The following SCEL variants were observed in gnomAD, a reference collection of about 807,000 sequenced individuals.
SCEL encodes the protein sciellin.
Under a neutral mutation model 117.6 loss-of-function variants are expected in SCEL, and 113 were observed. The observed-to-expected ratio is 0.96, with a 90% CI of 0.83 to 1.12. The LOEUF is 1.12. Among genes scored for constraint, SCEL ranks in the 50% most tolerant of loss-of-function variants. SCEL has a pLI of 0.00. For missense variants in SCEL, 785 were observed against 810.8 expected (o/e 0.97, Z 0.39); for synonymous variants, 270 against 256.2 (o/e 1.05, Z -0.51).
At chr13:77,620,678 G>A (rs2089360758) in intron 27 of SCEL, among the ~76,000 whole-genome samples, 1 of 152,088 alleles carries the variant, frequency 6.6e-6, no homozygotes, top group Non-Finnish European at 1.5e-5. Context: ...GTTATTGGTA[G>A]CCTATAAACT....
At chr13:77,561,397 A>T (rs754536811) in intron 4 of SCEL, among the ~76,000 whole-genome samples, 1 of 152,230 alleles carries the variant, frequency 6.6e-6, no homozygotes, top group Non-Finnish European at 1.5e-5. Flanking sequence ...GTATAATATC[A>T]GTCTTTTAAG....
intron 1 of SCEL, among the ~76,000 whole-genome samples, chr13:77,543,375 G>A (rs150861503): frequency 0.14 from 21,449 of 152,072 alleles, 1,841 homozygotes; most frequent in East Asian, 0.38. Context: ...GAGCCACCGC[G>A]CCCGGCCAAC....
chr13:77,617,880 C>G lies in SCEL; in HGVS notation c.1571+18C>G, dbSNP rs1262343870. ...AATCAGAGGTATATATAGAAGCAGT[C>G]AATTCATGTTTTTATTTGTCTGTTG... On this transcript the variant is annotated intron_variant, in intron 26 of 32. Transcript: ENST00000349847. 2.5e-6 allele frequency: 4 copies of G among 1,597,246 alleles called. No individual in the cohort carries two copies. The highest frequency in any genetic ancestry group is 3.4e-6 in the Non-Finnish European group (4 of 1,165,724).
intron 4 of SCEL, among the ~76,000 whole-genome samples, chr13:77,560,210 C>A (rs1300371510): frequency 6.7e-6 from 1 of 149,700 alleles, no homozygotes; most frequent in East Asian, 2.0e-4. Context: ...TTGGGAGGAT[C>A]TCTTGAGCCT....
intron 1 of SCEL, among the ~76,000 whole-genome samples, chr13:77,551,131 C>T (rs2084296081): frequency 6.6e-6 from 1 of 152,218 alleles, no homozygotes; most frequent in African/African-American, 2.4e-5. Flanking sequence ...GATGCAGCCT[C>T]TTAACACCTT....
chr13:77,543,553 C>G (rs1339393754), intron 1 of SCEL, among the ~76,000 whole-genome samples: 1 of 152,174 alleles, frequency 6.6e-6, no homozygotes, highest in African/African-American at 2.4e-5. Flanking sequence ...ATGTAAATCT[C>G]ATGATACTTT....
intron 9 of SCEL, among the ~76,000 whole-genome samples, chr13:77,578,007 A>G (rs1385146426): frequency 6.6e-6 from 1 of 152,140 alleles, no homozygotes. Context: ...AAAACACAAC[A>G]TATTCACTTT....
intron 12 of SCEL, chr13:77,597,220 T>A: frequency 3.5e-6 from 1 of 286,886 alleles, no homozygotes; most frequent in South Asian, 4.3e-5. Flanking sequence ...TGTGTGCCTG[T>A]GCTGAGGTAG....
chr13:77,585,762 C>T (rs1309643320), intron 9 of SCEL, among the ~76,000 whole-genome samples: 1 of 152,132 alleles, frequency 6.6e-6, no homozygotes, highest in Non-Finnish European at 1.5e-5. Flanking sequence ...CCTAATATCA[C>T]ACTGAGCTCT....
intron 27 of SCEL, among the ~76,000 whole-genome samples, chr13:77,627,647 A>G (rs2089808835): frequency 6.6e-6 from 1 of 152,112 alleles, no homozygotes; most frequent in South Asian, 2.1e-4. Context: ...TACATCAATA[A>G]AAAAAGAAAA....
chr13:77,625,551 A>T (rs1333837052), intron 27 of SCEL, among the ~76,000 whole-genome samples: 1 of 152,228 alleles, frequency 6.6e-6, no homozygotes, highest in Non-Finnish European at 1.5e-5. Flanking sequence ...TAATTGGCAT[A>T]GTTCCACTGT....
At chr13:77,588,555 T>A (rs980060798) in intron 9 of SCEL, among the ~76,000 whole-genome samples, 9 of 152,210 alleles carry the variant, frequency 5.9e-5, no homozygotes, top group African/African-American at 2.2e-4. Context: ...CCTCATTAAG[T>A]CCTGCCAACT....
intron 14 of SCEL, 126 bp from the exon 15 acceptor site, chr13:77,599,563 G>C: frequency 1.1e-6 from 1 of 895,226 alleles, no homozygotes; most frequent in South Asian, 1.5e-5. Flanking sequence ...AAGGATTTCT[G>C]CTCTTCCATT....
chr13:77,548,305 G>T (rs2084106799), intron 1 of SCEL, among the ~76,000 whole-genome samples: 1 of 152,190 alleles, frequency 6.6e-6, no homozygotes, highest in South Asian at 2.1e-4. Context: ...TTTAGCCCAA[G>T]GGCTGTCAAT....
intron 9 of SCEL, among the ~76,000 whole-genome samples, chr13:77,586,675 C>T (rs1217466266): frequency 6.6e-6 from 1 of 152,128 alleles, no homozygotes; most frequent in Non-Finnish European, 1.5e-5. Context: ...GGAAACAATG[C>T]CAAATAACCT....
intron 9 of SCEL, among the ~76,000 whole-genome samples, chr13:77,573,208 T>G (rs946891217): frequency 1.3e-5 from 2 of 152,114 alleles, no homozygotes; most frequent in African/African-American, 4.8e-5. Flanking sequence ...TCTTGGGATA[T>G]ATCAGTGAAC....
chr13:77,602,941 T>A, intron 17 of SCEL, 135 bp from the exon 18 acceptor site: 1 of 649,758 alleles, frequency 1.5e-6, no homozygotes, highest in Non-Finnish European at 2.5e-6. Context: ...TGGCAATTTT[T>A]ATACTTAAAG....
intron 1 of SCEL, among the ~76,000 whole-genome samples, chr13:77,553,575 T>C (rs955536736): frequency 1.3e-5 from 2 of 152,168 alleles, no homozygotes; most frequent in African/African-American, 2.4e-5. Context: ...ACCTTCATTT[T>C]GCCAGAGTTT....
chr13:77,622,543 C>T (rs1419138184), intron 27 of SCEL, among the ~76,000 whole-genome samples: 1 of 152,104 alleles, frequency 6.6e-6, no homozygotes, highest in Non-Finnish European at 1.5e-5. Context: ...ATAGATAACT[C>T]ACATTTCTCC....
Sources: allele counts gnomAD v4.1 joint callset (sites outside exome capture counted in the v4.1 genomes callset), GRCh38; gene constraint gnomAD v4.1.1; transcripts MANE v1.5; gene names NCBI Gene and HGNC (gene_info 2026-07-23, HGNC 2026-07-21).